GLT1D1: variants seen among roughly 807,000 people sequenced by gnomAD.
GLT1D1 encodes the protein glycosyltransferase 1 domain containing 1, also known as glycosyltransferase 1 domain-containing protein 1.
In GLT1D1, 21 loss-of-function variants were observed where a neutral mutation model predicts 28.7. The observed-to-expected ratio is 0.73, with a 90% CI of 0.52 to 1.05. The LOEUF (loss-of-function observed/expected upper bound fraction) is 1.05, where lower values mean the gene tolerates loss of function less well. GLT1D1 is among the 50% of genes least tolerant of loss of function. The pLI, the probability that GLT1D1 is intolerant of heterozygous loss-of-function variation, is 0.00. For missense variants in GLT1D1, 343 were observed against 330.6 expected, an observed-to-expected ratio of 1.04 and a Z score of -0.29; for synonymous variants, 147 against 124.8, an observed-to-expected ratio of 1.18 and a Z score of -1.19.
intron 1 of GLT1D1, among the ~76,000 whole-genome samples, chr12:128,859,942 CT>C (rs1404696212): frequency 6.6e-6 from 1 of 152,132 alleles, no homozygotes; most frequent in Admixed American, 6.5e-5. Flanking sequence ...GGCAAAAAAT[CT>C]GGGGGATCAA....
At position 128,970,788 on chromosome 12, in the gene GLT1D1, C is replaced by A. The variant is rs577228988; in HGVS notation, c.640-12141C>A. On this transcript the variant is annotated intron_variant, in intron 7 of 7. Transcript: ENST00000281703. The stretch of plus-strand genomic sequence containing the variant: ...GGGTTCCCATTTGGGTTTCCTCTGT[C>A]CCCGCACCTGTGTCTGTGTACACTG... Among the ~76,000 whole-genome samples the A allele has an allele frequency of 5.9e-5, 9 of 152,324 alleles. No homozygotes were observed. In the East Asian group the frequency reaches 1.7e-3, roughly 29 times the overall value.
intron 1 of GLT1D1, among the ~76,000 whole-genome samples, chr12:128,861,216 C>T (rs28507181): frequency 0.2 from 30,193 of 152,126 alleles, 3,418 homozygotes; most frequent in Admixed American, 0.28. Flanking sequence ...GTTGTAGTGG[C>T]CCCAGCTATA....
chr12:128,911,675 G>A (rs1313778530), intron 4 of GLT1D1, among the ~76,000 whole-genome samples: 2 of 152,068 alleles, frequency 1.3e-5, no homozygotes, highest in East Asian at 1.9e-4. Flanking sequence ...CCATCTAAAC[G>A]TCACCTTAAA....
chr12:128,954,986 C>A (rs538431986), intron 6 of GLT1D1, among the ~76,000 whole-genome samples: 76 of 152,012 alleles, frequency 5.0e-4, no homozygotes, highest in Non-Finnish European at 9.6e-4. Flanking sequence ...TCTTCCCCTG[C>A]AAAAAGGTTA....
intron 4 of GLT1D1, among the ~76,000 whole-genome samples, chr12:128,917,780 G>A (rs144053287): frequency 7.6e-4 from 115 of 152,200 alleles, no homozygotes; most frequent in African/African-American, 2.6e-3. Flanking sequence ...AGATAACATC[G>A]CACATCAGTC....
chr12:128,975,458 T>TTC (rs1555222106), intron 7 of GLT1D1, among the ~76,000 whole-genome samples: 31 of 150,958 alleles, frequency 2.1e-4, no homozygotes, highest in East Asian at 1.2e-3. Context: ...TGTTTTTTAT[T>TTC]TTTTTCTTTT....
rs529450313 is a variant in GLT1D1, at chr12:128,895,663, G to A, written c.324-3573G>A. The stretch of plus-strand genomic sequence containing the variant: ...TAGAGAACGGGGTTTCTCAATGTTG[G>A]TCAGGCTGGTCTCTCAAACTCCTAA... On this transcript the variant is annotated intron_variant, in intron 3 of 7. Transcript: ENST00000281703. 1.3e-4 allele frequency among the ~76,000 whole-genome samples: 20 copies of A among 152,050 alleles called. 2 individuals carry two copies. Among genetic ancestry groups the A allele is most frequent in the African/African-American group, 4.1e-4 (17 of 41,468 alleles).
intron 6 of GLT1D1, among the ~76,000 whole-genome samples, chr12:128,951,022 G>A (rs1436072170): frequency 6.6e-6 from 1 of 152,170 alleles, no homozygotes; most frequent in East Asian, 1.9e-4. Context: ...TAGATCTTAA[G>A]TGTTCTCACC....
chr12:128,881,564 ATATAT>A (rs1566099383), intron 2 of GLT1D1, among the ~76,000 whole-genome samples: 25 of 55,074 alleles, frequency 4.5e-4, no homozygotes, highest in East Asian at 1.7e-3. Context: ...AAAAAAAAAT[ATATAT>A]ATATATATAT....
At chr12:128,962,060 G>T (rs1035461935) in intron 7 of GLT1D1, among the ~76,000 whole-genome samples, 8 of 135,880 alleles carry the variant, frequency 5.9e-5, no homozygotes, top group African/African-American at 2.2e-4. Context: ...TCCTATGGCG[G>T]CCCCATGTCT....
chr12:128,874,098 T>C (rs7296269), intron 1 of GLT1D1, among the ~76,000 whole-genome samples: 590 of 32,746 alleles, frequency 0.018, 12 homozygotes, highest in Middle Eastern at 0.023. Flanking sequence ...CTTTCTTTCT[T>C]TCTCTCTCTC....
chr12:128,898,079 A>G (rs1869853844), intron 3 of GLT1D1, among the ~76,000 whole-genome samples: 1 of 151,746 alleles, frequency 6.6e-6, no homozygotes, highest in South Asian at 2.1e-4. Flanking sequence ...TATATTTTTA[A>G]TATGTTTTGA....
intron 2 of GLT1D1, among the ~76,000 whole-genome samples, chr12:128,876,625 A>G (rs1366900832): frequency 1.3e-5 from 2 of 152,120 alleles, no homozygotes; most frequent in African/African-American, 2.4e-5. Context: ...TTTTCAATGC[A>G]TATTTCATCT....
intron 6 of GLT1D1, 22 bp from the exon 11 acceptor site, chr12:128,957,523 C>G (rs753590191): frequency 4.6e-5 from 71 of 1,550,304 alleles, no homozygotes; most frequent in South Asian, 1.2e-4. Context: ...CCTTCCACCC[C>G]CTTTTCTCCT....
intron 2 of GLT1D1, among the ~76,000 whole-genome samples, chr12:128,883,546 C>T (rs1487622218): frequency 1.2e-4 from 18 of 148,264 alleles, no homozygotes; most frequent in African/African-American, 2.8e-4. Context: ...GCTGAGATCG[C>T]GCCACTGCAC....
intron 7 of GLT1D1, among the ~76,000 whole-genome samples, chr12:128,978,278 C>T (rs1389596963): frequency 1.3e-5 from 2 of 152,100 alleles, no homozygotes; most frequent in African/African-American, 2.4e-5. Flanking sequence ...GCCTCAGGGA[C>T]ACTCAGGTCT....
intron 4 of GLT1D1, among the ~76,000 whole-genome samples, chr12:128,932,058 G>A (rs1216720940): frequency 6.6e-6 from 1 of 152,214 alleles, no homozygotes; most frequent in East Asian, 1.9e-4. Context: ...TTTGCCTGTT[G>A]AGGAGTTGAC....
chr12:128,970,107 T>G (rs1878889797), intron 7 of GLT1D1, among the ~76,000 whole-genome samples: 1 of 152,182 alleles, frequency 6.6e-6, no homozygotes, highest in Admixed American at 6.5e-5. Context: ...GTTTCTGGGG[T>G]ATCCTGGAAT....
intron 4 of GLT1D1, among the ~76,000 whole-genome samples, chr12:128,930,904 T>C (rs1873787681): frequency 6.6e-6 from 1 of 152,178 alleles, no homozygotes; most frequent in Admixed American, 6.5e-5. Flanking sequence ...AATAGTCTTT[T>C]AGGAGAGACG....
Sources: gnomAD v4.1 joint callset for allele counts (sites outside exome capture counted in the v4.1 genomes callset) on GRCh38, gnomAD v4.1.1 for gene constraint, MANE v1.5 for transcripts, NCBI Gene and HGNC (gene_info 2026-07-23, HGNC 2026-07-21) for gene names.